Variants in XKR9 observed in about 807,000 individuals in gnomAD.
XKR9 encodes XK-related protein 9.
A neutral mutation model predicts 32.0 loss-of-function variants in XKR9; 32 were observed. That is an observed-to-expected ratio of 1.00 (90% confidence interval 0.76 to 1.34). The LOEUF (loss-of-function observed/expected upper bound fraction) is 1.34, where lower values mean the gene tolerates loss of function less well. Among genes scored for constraint, XKR9 ranks in the 40% most tolerant of loss-of-function variants. XKR9 has a pLI of 0.00. For missense variants in XKR9, 546 were observed against 429.7 expected (o/e 1.27, Z -2.39); for synonymous variants, 168 against 143.4 (o/e 1.17, Z -1.22).
the XKR9 span, among the ~76,000 whole-genome samples, chr8:71,009,174 G>A: frequency 9.2e-5 from 14 of 152,260 alleles, no homozygotes; most frequent in South Asian, 2.7e-3. Flanking sequence ...TGGGACTATG[G>A]AGACAGTAGT....
chr8:70,707,772 A>G (rs551118763), intron 4 of XKR9, among the ~76,000 whole-genome samples: 4 of 152,162 alleles, frequency 2.6e-5, no homozygotes, highest in South Asian at 2.1e-4. Flanking sequence ...AAGTTGGCCA[A>G]TGTGTTTGCT....
chr8:70,694,756 T>C (rs1251217448), intron 3 of XKR9, among the ~76,000 whole-genome samples: 1 of 152,208 alleles, frequency 6.6e-6, no homozygotes, highest in Non-Finnish European at 1.5e-5. Context: ...GCTGTGGAAA[T>C]GGGGCCTGTG....
At chr8:71,034,850 G>T in the XKR9 span, among the ~76,000 whole-genome samples, 8 of 152,266 alleles carry the variant, frequency 5.3e-5, no homozygotes, top group African/African-American at 1.9e-4. Flanking sequence ...AAAACTTGGG[G>T]ATAGTTTATT....
chr8:70,821,657 C>T, the XKR9 span, among the ~76,000 whole-genome samples: 8 of 152,236 alleles, frequency 5.3e-5, no homozygotes, highest in East Asian at 3.8e-4. Context: ...CGTGCCTTCA[C>T]GATCAACATC....
the XKR9 span, among the ~76,000 whole-genome samples, chr8:70,988,867 T>C: frequency 1.3e-5 from 2 of 152,230 alleles, no homozygotes; most frequent in African/African-American, 2.4e-5. Flanking sequence ...CTACCTCCTG[T>C]TTCTACAGTT....
In XKR9 at chr8:70,733,079, C is replaced by T. The variant is rs947852159; in HGVS notation, c.494-717C>T. Among the ~76,000 whole-genome samples the T allele has an allele frequency of 4.6e-5, 7 of 152,152 alleles. No individual in the cohort carries two copies. In the South Asian group the frequency reaches 1.0e-3, roughly 23 times the overall value. ...TCAACATTGCACCACTGCACTCCAGCCATAGTGACAGAGTGAGACTCCATC... is the reference window on the plus strand; with the variant it reads ...TCAACATTGCACCACTGCACTCCAGTCATAGTGACAGAGTGAGACTCCATC... On this transcript the variant is annotated intron_variant, in intron 4 of 4. Transcript: ENST00000408926.
the XKR9 span, among the ~76,000 whole-genome samples, chr8:70,875,874 A>G: frequency 6.6e-6 from 1 of 152,156 alleles, no homozygotes; most frequent in Non-Finnish European, 1.5e-5. Flanking sequence ...TTAATTTAAA[A>G]ACTCTTATGG....
At chr8:70,879,154 G>A in the XKR9 span, among the ~76,000 whole-genome samples, 1 of 152,140 alleles carries the variant, frequency 6.6e-6, no homozygotes, top group Non-Finnish European at 1.5e-5. Context: ...CACATTTAAA[G>A]CAGTGGGTAG....
the XKR9 span, among the ~76,000 whole-genome samples, chr8:70,887,681 T>A: frequency 4.4e-3 from 676 of 152,200 alleles, 8 homozygotes; most frequent in African/African-American, 0.016. Flanking sequence ...ATTTTCTTTA[T>A]AGCAGTCATG....
the XKR9 span, among the ~76,000 whole-genome samples, chr8:70,798,194 T>C: frequency 3.3e-4 from 51 of 152,358 alleles, no homozygotes; most frequent in South Asian, 6.6e-3. Flanking sequence ...TTCCTTTTTT[T>C]TTCTGCAACC....
chr8:70,814,523 G>A, the XKR9 span, among the ~76,000 whole-genome samples: 4 of 151,170 alleles, frequency 2.6e-5, no homozygotes, highest in African/African-American at 9.7e-5. Flanking sequence ...CTCAATAGAC[G>A]TCGAAGAAAC....
chr8:71,055,368 C>T, the XKR9 span, among the ~76,000 whole-genome samples: 7 of 152,166 alleles, frequency 4.6e-5, no homozygotes, highest in African/African-American at 1.7e-4. Flanking sequence ...TACATAAACA[C>T]TGAGCAAGAG....
the XKR9 span, among the ~76,000 whole-genome samples, chr8:70,912,603 C>A: frequency 6.6e-6 from 1 of 152,036 alleles, no homozygotes; most frequent in African/African-American, 2.4e-5. Flanking sequence ...TCTGGATTTT[C>A]AAGGCATAGT....
the XKR9 span, among the ~76,000 whole-genome samples, chr8:71,033,571 G>A: frequency 2.6e-3 from 392 of 152,178 alleles, 5 homozygotes; most frequent in African/African-American, 9.0e-3. Flanking sequence ...GGGGTGTTTG[G>A]GTCATTGAGG....
chr8:70,704,708 CAA>C (rs1434239431), intron 3 of XKR9, among the ~76,000 whole-genome samples: 1 of 152,142 alleles, frequency 6.6e-6, no homozygotes, highest in East Asian at 1.9e-4. Context: ...GTGAATTTCT[CAA>C]GTTTTTCAAT....
At chr8:70,856,135 C>G in the XKR9 span, among the ~76,000 whole-genome samples, 1 of 152,008 alleles carries the variant, frequency 6.6e-6, no homozygotes, top group Admixed American at 6.6e-5. Context: ...CAATATAAAC[C>G]TTAAATATAA....
chr8:70,968,348 T>C, the XKR9 span, among the ~76,000 whole-genome samples: 73 of 152,286 alleles, frequency 4.8e-4, no homozygotes, highest in African/African-American at 1.5e-3. Context: ...ATTATTTTAT[T>C]GTGATTCTTA....
intron 2 of XKR9, among the ~76,000 whole-genome samples, chr8:70,756,215 C>T (rs1175640212): frequency 2.0e-5 from 3 of 152,096 alleles, no homozygotes; most frequent in African/African-American, 7.2e-5. Context: ...CAATTCTGTT[C>T]GACTACTCTA....
At chr8:71,028,740 G>A in the XKR9 span, among the ~76,000 whole-genome samples, 2 of 152,020 alleles carry the variant, frequency 1.3e-5, no homozygotes, top group Non-Finnish European at 2.9e-5. Flanking sequence ...ATACAATTAT[G>A]ATTTGTCAAT....
Sources: gnomAD v4.1 joint callset for allele counts (sites outside exome capture counted in the v4.1 genomes callset) on GRCh38, gnomAD v4.1.1 for gene constraint, MANE v1.5 for transcripts, NCBI Gene and HGNC (gene_info 2026-07-23, HGNC 2026-07-21) for gene names.